Variants in AASS observed in about 807,000 individuals in gnomAD.
AASS encodes the protein alpha-aminoadipic semialdehyde synthase, mitochondrial.
In AASS, 86 loss-of-function variants were observed where a neutral mutation model predicts 105.4. That is an observed-to-expected ratio of 0.82 (90% CI 0.69 to 0.98). The LOEUF (loss-of-function observed/expected upper bound fraction) is 0.98, where lower values mean the gene tolerates loss of function less well. AASS is among the 50% of genes least tolerant of loss of function. The pLI, the probability that AASS is intolerant of heterozygous loss-of-function variation, is 0.00. For synonymous variants in AASS, 381 were observed against 394.8 expected (o/e 0.96, Z 0.41); for missense variants, 1,048 against 1,143.2 (o/e 0.92, Z 1.20).
chr7:122,084,574 G>A (rs1047048645), intron 19 of AASS, among the ~76,000 whole-genome samples: 5 of 151,776 alleles, frequency 3.3e-5, no homozygotes, highest in African/African-American at 4.8e-5. Context: ...TTTTTTTTAC[G>A]AAAGTAAAAG....
chr7:122,077,160 AT>A (rs374201012), intron 23 of AASS, among the ~76,000 whole-genome samples: 63 of 150,704 alleles, frequency 4.2e-4, no homozygotes, highest in East Asian at 2.9e-3. Flanking sequence ...GCTACTATAC[AT>A]TTTTTTTTCA....
intron 19 of AASS, chr7:122,082,666 C>T (rs180917579): frequency 1.0e-4 from 41 of 396,994 alleles, no homozygotes; most frequent in African/African-American, 7.1e-4. Context: ...CAAATAATGC[C>T]TAGTCCATGG....
At chr7:122,125,436 A>G (rs1795614279) in intron 4 of AASS, among the ~76,000 whole-genome samples, 1 of 152,208 alleles carries the variant, frequency 6.6e-6, no homozygotes, top group Admixed American at 6.5e-5. Context: ...TCCTGCAGAA[A>G]GGGTACACTC....
chr7:122,139,238 CTT>C (rs1456494196), intron 1 of AASS, among the ~76,000 whole-genome samples: 3 of 152,062 alleles, frequency 2.0e-5, no homozygotes, highest in Non-Finnish European at 2.9e-5. Flanking sequence ...TTTTGATTCT[CTT>C]TAATTAAAAA....
intron 17 of AASS, among the ~76,000 whole-genome samples, chr7:122,092,429 A>G (rs1793947855): frequency 2.0e-5 from 3 of 152,138 alleles, no homozygotes; most frequent in Admixed American, 6.5e-5. Flanking sequence ...AGACTTGGAC[A>G]TTGTTTTCCT....
chr7:122,129,394 G>A lies in AASS; in HGVS notation c.354C>T (p.Ala118=). 1 of 1,611,398 alleles carries A rather than the reference G, an allele frequency of 6.2e-7. No individual in the cohort carries two copies. The highest frequency in any genetic ancestry group is 1.1e-5 in the South Asian group (1 of 90,634). The change falls in exon 3 of 24, where the codon GCC becomes GCT. Residue 118 remains alanine, a synonymous_variant. Coordinates refer to ENST00000417368, the MANE Select transcript of AASS (RefSeq NM_005763.4). ...FFSHTIKAQE[A]NMGLLDEILK... ...GAATCTCATCCAACAAGCCCATATTGGCCTCCTGAGCTTTTATTGTGTGGG... is the reference window on the plus strand; with the variant it reads ...GAATCTCATCCAACAAGCCCATATTAGCCTCCTGAGCTTTTATTGTGTGGG...
rs1251877691 is a variant in AASS at position 122,133,529 on chromosome 7, G to T, written c.198C>A (p.Ala66=). The stretch of plus-strand genomic sequence containing the variant: ...TGGAAATACTCACCTTATCATGAAT[G>T]GCCCGCCGATTCGAAGGCTGTATCA... ...KVLIQPSNRR[A]IHDKDYVKAG... The change falls in exon 2 of 24, where the codon GCC becomes GCA. Residue 66 remains alanine (A), a synonymous_variant. Transcript: ENST00000417368. The T allele has an allele frequency of 1.2e-6, 2 of 1,614,072 alleles. No homozygotes were observed. Among genetic ancestry groups the T allele is most frequent in the Non-Finnish European group, 1.7e-6 (2 of 1,179,994 alleles).
At chr7:122,143,547 T>A (rs1262023127) in intron 1 of AASS, among the ~76,000 whole-genome samples, 1 of 151,204 alleles carries the variant, frequency 6.6e-6, no homozygotes, top group Non-Finnish European at 1.5e-5. Flanking sequence ...AACCCAGACT[T>A]GCAAGGCGCC....
In AASS at chr7:122,074,633, C is replaced by A. The variant is rs144865577; in HGVS notation, c.*1856G>T. Among the ~76,000 whole-genome samples the A allele has an allele frequency of 2.9e-4, 44 of 152,212 alleles. No individual in the cohort carries two copies. The highest frequency in any genetic ancestry group is 9.1e-4 in the African/African-American group (38 of 41,534). On this transcript the variant is annotated 3_prime_UTR_variant, in exon 24 of 24. Transcript: ENST00000417368. ...CTCTTACATTTAGATCTTAGGTCAA[C>A]TTTGAGTTAATTTTTATATGCAATA...
At chr7:122,091,286 C>T (rs1793885378) in intron 18 of AASS, among the ~76,000 whole-genome samples, 1 of 152,210 alleles carries the variant, frequency 6.6e-6, no homozygotes, top group South Asian at 2.1e-4. Flanking sequence ...CCCTCCATTC[C>T]AAGAGCCCCA....
At chr7:122,127,836 G>T (rs1174023608) in intron 3 of AASS, among the ~76,000 whole-genome samples, 2 of 151,910 alleles carry the variant, frequency 1.3e-5, no homozygotes, top group Admixed American at 6.6e-5. Context: ...ACACCACCTG[G>T]TCTCTCACAA....
At chr7:122,088,528 G>A (rs752318213) in intron 18 of AASS, among the ~76,000 whole-genome samples, 3 of 152,026 alleles carry the variant, frequency 2.0e-5, no homozygotes, top group Non-Finnish European at 4.4e-5. Flanking sequence ...CTTATTTCTG[G>A]ATCAGTATTT....
intron 9 of AASS, among the ~76,000 whole-genome samples, chr7:122,113,937 A>AAG (rs1554394422): frequency 1.9e-4 from 28 of 150,996 alleles, no homozygotes; most frequent in African/African-American, 6.3e-4. Context: ...AAAAAAAAAA[A>AAG]AAAGAAAGAA....
rs1299014160 is a variant in AASS, at chr7:122,133,626, T to A, written c.101A>T (p.Asn34Ile). 4 of 1,614,076 alleles carry A rather than the reference T, an allele frequency of 2.5e-6. No homozygotes were observed. The South Asian group carries it at 4.4e-5, about 18-fold the overall frequency. Residue 34 changes from asparagine (N) to isoleucine (I), a missense_variant, in exon 2 of 24, where the codon AAC (asparagine) becomes ATC (isoleucine). Coordinates refer to ENST00000417368, the MANE Select transcript of AASS (RefSeq NM_005763.4). ...AVLAVRREDV[N>I]AWERRAPLAP... ...TAGCGGGGCCCTTCTCTCCCAGGCG[T>A]TCACATCCTCCCTCCGGACGGCCAA...
At chr7:122,129,046 C>T (rs1359415818) in intron 3 of AASS, among the ~76,000 whole-genome samples, 4 of 152,084 alleles carry the variant, frequency 2.6e-5, no homozygotes, top group African/African-American at 9.7e-5. Flanking sequence ...CCACTGCACT[C>T]CAGCCTGGAT....
At chr7:122,080,192 T>A (rs1793242786) in intron 20 of AASS, among the ~76,000 whole-genome samples, 1 of 152,200 alleles carries the variant, frequency 6.6e-6, no homozygotes, top group Non-Finnish European at 1.5e-5. Flanking sequence ...ACTTAAACAG[T>A]AGCCATAGTT....
At chr7:122,095,592 AAAC>A (rs1794113961) in intron 15 of AASS, among the ~76,000 whole-genome samples, 1 of 151,850 alleles carries the variant, frequency 6.6e-6, no homozygotes. Flanking sequence ...AAAAAAAAAA[AAAC>A]AATAAAACCA....
At chr7:122,130,709 T>C (rs1345726587) in intron 2 of AASS, among the ~76,000 whole-genome samples, 1 of 152,002 alleles carries the variant, frequency 6.6e-6, no homozygotes, top group Non-Finnish European at 1.5e-5. Flanking sequence ...GTTAGGAATC[T>C]ACCTCAAAGG....
In AASS at chr7:122,084,620, G is replaced by C. The variant is rs1361387165; in HGVS notation, c.2184+1392C>G. Among the ~76,000 whole-genome samples the C allele has an allele frequency of 2.0e-5, 3 of 151,900 alleles. No individual in the cohort carries two copies. The East Asian group carries it at 5.8e-4, about 29-fold the overall frequency. On this transcript the variant is annotated intron_variant, in intron 19 of 23. Coordinates refer to ENST00000417368, the MANE Select transcript of AASS (RefSeq NM_005763.4). ...AGAGAATAAAACCATGGTTACCAGG[G>C]GCAGGGCTGCAGAGAAGAAAAGAAT... is the stretch of plus-strand genomic sequence containing the variant.
Sources: gnomAD v4.1 joint callset for allele counts (sites outside exome capture counted in the v4.1 genomes callset) on GRCh38, gnomAD v4.1.1 for gene constraint, MANE v1.5 for transcripts, NCBI Gene and HGNC (gene_info 2026-07-23, HGNC 2026-07-21) for gene names.